NEBL: variants seen among roughly 807,000 people sequenced by gnomAD.
The protein encoded by NEBL is LIM and SH3 protein 2.
Under a neutral mutation model 140.2 loss-of-function variants are expected in NEBL, and 122 were observed. The ratio of observed to expected loss-of-function variants is 0.87; its 90% CI spans 0.75 to 1.01. NEBL has a LOEUF of 1.01. NEBL is among the 50% of genes least tolerant of loss of function. The probability of loss-of-function intolerance (pLI) is 0.00; values close to 1 mark genes in which losing one functional copy is unlikely to be tolerated. For synonymous variants in NEBL, 436 were observed against 398.9 expected, an observed-to-expected ratio of 1.09 and a Z score of -1.11; for missense variants, 1,365 against 1,231.3, an observed-to-expected ratio of 1.11 and a Z score of -1.62.
At chr10:20,826,404 G>C (rs554263529) in intron 18 of NEBL, 43 bp downstream of exon 18, 3 of 1,451,170 alleles carry the variant, frequency 2.1e-6, no homozygotes, top group Non-Finnish European at 1.9e-6. Flanking sequence ...CTATAGTTTT[G>C]GTTTGCTTTT....
In NEBL at chr10:20,817,481, G is replaced by A. The variant is rs979661582; in HGVS notation, c.2148+119C>T. 4 of 893,064 alleles carry A rather than the reference G, an allele frequency of 4.5e-6. No individual in the cohort carries two copies. The African/African-American group carries it at 6.6e-5, about 15-fold the overall frequency. The allele number at this position is 893,064 out of a possible 1,614,324, so 55.3% of individuals were successfully genotyped here. ...CCGAAATCTTTCAAATAAGTTGTTA[G>A]TCAAATGAGAACAGGACATCAGCTC... On this transcript the variant is annotated intron_variant, in intron 21 of 27. Transcript: ENST00000377122.
At chr10:20,799,354 C>T (rs115511905) in intron 26 of NEBL, among the ~76,000 whole-genome samples, 69 of 152,234 alleles carry the variant, frequency 4.5e-4, no homozygotes, top group African/African-American at 1.2e-3. Flanking sequence ...CCAGGTCTCA[C>T]CATGTTGGCC....
intron 2 of NEBL, among the ~76,000 whole-genome samples, chr10:21,112,435 T>C (rs1403007306): frequency 1.3e-5 from 2 of 152,132 alleles, no homozygotes; most frequent in Non-Finnish European, 1.5e-5. Context: ...TCATGTCCTT[T>C]GCAGGGACAT....
intron 1 of NEBL, among the ~76,000 whole-genome samples, chr10:21,256,937 T>A (rs1282009639): frequency 2.0e-5 from 3 of 152,230 alleles, no homozygotes; most frequent in Non-Finnish European, 4.4e-5. Context: ...ACTGGTTCTA[T>A]AAGCAGAAAT....
At chr10:20,865,688 C>T (rs144871465) in intron 7 of NEBL, among the ~76,000 whole-genome samples, 2 of 152,248 alleles carry the variant, frequency 1.3e-5, no homozygotes, top group East Asian at 1.9e-4. Flanking sequence ...TTAGAGTCAC[C>T]GCCCTTTAAT....
At chr10:21,013,890 C>A (rs191492453) in intron 3 of NEBL, among the ~76,000 whole-genome samples, 2 of 151,954 alleles carry the variant, frequency 1.3e-5, no homozygotes, top group Admixed American at 1.3e-4. Flanking sequence ...CAAAAAGAAC[C>A]CAATGAAGAG....
intron 2 of NEBL, among the ~76,000 whole-genome samples, chr10:21,084,300 T>C (rs543703318): frequency 2.0e-5 from 3 of 152,262 alleles, no homozygotes; most frequent in Non-Finnish European, 2.9e-5. Flanking sequence ...GATTGCTTTA[T>C]GTCTGTATGG....
intron 1 of NEBL, among the ~76,000 whole-genome samples, chr10:21,262,137 G>A (rs2132281517): frequency 6.6e-6 from 1 of 152,230 alleles, no homozygotes; most frequent in East Asian, 1.9e-4. Flanking sequence ...GGCTTAGCTG[G>A]CAAATTGCGA....
At chr10:21,231,534 G>A (rs1190355018) in intron 3 of NEBL, among the ~76,000 whole-genome samples, 5 of 150,970 alleles carry the variant, frequency 3.3e-5, no homozygotes, top group Admixed American at 3.3e-4. Context: ...GCGAGACTCT[G>A]TCTCAAAAAA....
intron 3 of NEBL, among the ~76,000 whole-genome samples, chr10:21,227,144 G>A (rs12247298): frequency 0.012 from 1,782 of 151,938 alleles, 34 homozygotes; most frequent in African/African-American, 0.04. Context: ...CCATTAATTG[G>A]AAATTTTCTG....
intron 2 of NEBL, among the ~76,000 whole-genome samples, chr10:21,040,352 G>T (rs1399125100): frequency 6.6e-6 from 1 of 151,690 alleles, no homozygotes; most frequent in East Asian, 1.9e-4. Flanking sequence ...AAAAAAGAAA[G>T]AAAGAGGGTT....
rs117850894 is a variant in NEBL, at chr10:21,122,441, C to T, written c.164+49942G>A. Among the ~76,000 whole-genome samples, 1,163 of 152,274 alleles carry T rather than the reference C, an allele frequency of 7.6e-3. 52 individuals are homozygous for T. The East Asian group carries it at 0.11, about 15-fold the overall frequency. Reference sequence around the variant, plus strand: ...GTGACCTGAGAGTCTCACTTCATTTCCTTCTCTCCTCCATACTTGCTTTGC... The same window carrying T: ...GTGACCTGAGAGTCTCACTTCATTTTCTTCTCTCCTCCATACTTGCTTTGC... On this transcript the variant is annotated intron_variant, in intron 2 of 6. Coordinates refer to the NEBL transcript ENST00000417816.
intron 26 of NEBL, among the ~76,000 whole-genome samples, chr10:20,798,174 A>G (rs914075589): frequency 5.3e-5 from 8 of 152,192 alleles, no homozygotes; most frequent in Non-Finnish European, 1.2e-4. Context: ...TCAGGCAGTA[A>G]TAAGTAGCAA....
At chr10:20,893,363 C>G (rs979935283) in intron 2 of NEBL, among the ~76,000 whole-genome samples, 9 of 152,250 alleles carry the variant, frequency 5.9e-5, no homozygotes, top group Non-Finnish European at 1.2e-4. Flanking sequence ...GAAAATATAT[C>G]TGAGAAAATA....
At chr10:21,240,407 C>T (rs375713278) in intron 3 of NEBL, among the ~76,000 whole-genome samples, 18 of 152,098 alleles carry the variant, frequency 1.2e-4, no homozygotes, top group East Asian at 9.7e-4. Flanking sequence ...ACTTTGGGTA[C>T]CAAGGCAGGA....
chr10:21,151,849 T>C (rs1415574567), intron 2 of NEBL, among the ~76,000 whole-genome samples: 1 of 152,216 alleles, frequency 6.6e-6, no homozygotes, highest in African/African-American at 2.4e-5. Context: ...AACTTATCTC[T>C]TCCCCTGCTC....
chr10:21,234,121 T>C (rs1309473071), intron 3 of NEBL, among the ~76,000 whole-genome samples: 1 of 151,570 alleles, frequency 6.6e-6, no homozygotes, highest in African/African-American at 2.4e-5. Flanking sequence ...GGACTGGAAA[T>C]ATTATAAAAG....
intron 2 of NEBL, among the ~76,000 whole-genome samples, chr10:21,066,971 C>CTTTTTTTTTTTTTTTTTTTTTTTTTT (rs56352671): frequency 8.9e-6 from 1 of 112,832 alleles, no homozygotes; most frequent in Non-Finnish European, 1.7e-5. Context: ...AATAATTTAA[C>CTTTTTTTTTTTTTTTTTTTTTTTTTT]TTTTTTTTTT....
intron 3 of NEBL, 30 bp downstream of exon 3, chr10:20,889,815 A>G (rs1846865163): frequency 7.5e-7 from 1 of 1,329,464 alleles, no homozygotes; most frequent in East Asian, 2.3e-5. Context: ...AGATAAATGC[A>G]AGCCAGTTTG....
Sources: allele counts gnomAD v4.1 joint callset (sites outside exome capture counted in the v4.1 genomes callset), GRCh38; gene constraint gnomAD v4.1.1; transcripts MANE v1.5; gene names NCBI Gene and HGNC (gene_info 2026-07-23, HGNC 2026-07-21).